Variants in CSMD3 observed in about 807,000 individuals in gnomAD.
CSMD3 encodes CUB and Sushi multiple domains 3.
A neutral mutation model predicts 435.2 loss-of-function variants in CSMD3; 177 were observed. That is an observed-to-expected ratio of 0.41 (90% CI 0.36 to 0.46). CSMD3 has a LOEUF of 0.46. CSMD3 is among the 20% of genes least tolerant of loss of function. CSMD3 has a pLI of 0.34. For missense variants in CSMD3, 4,265 were observed against 4,504.6 expected (o/e 0.95, Z 1.52); for synonymous variants, 1,656 against 1,520.5 (o/e 1.09, Z -2.07).
chr8:112,550,740 T>C lies in CSMD3; in HGVS notation c.4495A>G (p.Asn1499Asp), dbSNP rs1305590114. Residue 1499 changes from asparagine (N) to aspartate (D), a missense_variant, in exon 27 of 71, where the codon AAT becomes GAT. Around this residue, in one of 3 missense-constraint regions of CSMD3, gnomAD observed 3,255 missense variants for 3,380.2 expected, o/e 0.96. Coordinates refer to ENST00000297405, the MANE Select transcript of CSMD3 (RefSeq NM_198123.2). ...GTGTCAAACTGGATGGTTACTATAT[T>C]GAGGGTGCTATGAATTCCTTCAGGA... is the stretch of plus-strand genomic sequence containing the variant. ...LIPEGIHSTLNIVTIQFDTDF... is the reference protein window; with the variant it reads ...LIPEGIHSTLDIVTIQFDTDF... 3 of 1,606,126 alleles carry C rather than the reference T, an allele frequency of 1.9e-6. No individual in the cohort carries two copies. The highest frequency in any genetic ancestry group is 2.2e-5 in the South Asian group (2 of 90,968).
intron 22 of CSMD3, among the ~76,000 whole-genome samples, chr8:112,597,279 A>C (rs1168961913): frequency 6.6e-6 from 1 of 152,148 alleles, no homozygotes; most frequent in Admixed American, 6.5e-5. Context: ...GAAATGGATA[A>C]ATTCCTCAAC....
At chr8:112,539,152 G>A (rs1826421271) in intron 27 of CSMD3, 1 of 153,468 alleles carries the variant, frequency 6.5e-6, no homozygotes, top group South Asian at 2.0e-4. Flanking sequence ...CTGAATTAGA[G>A]TACTAAGTAT....
intron 5 of CSMD3, among the ~76,000 whole-genome samples, chr8:113,083,075 C>G (rs2089629807): frequency 6.6e-6 from 1 of 152,030 alleles, no homozygotes; most frequent in Non-Finnish European, 1.5e-5. Context: ...AACTAGACAT[C>G]CAGATCTAGG....
chr8:113,296,718 G>C (rs1349220069), intron 2 of CSMD3, among the ~76,000 whole-genome samples: 3 of 152,120 alleles, frequency 2.0e-5, no homozygotes, highest in Non-Finnish European at 4.4e-5. Context: ...ATACCAAAAA[G>C]TTGGCAGAGA....
At chr8:112,881,610 A>C (rs2081450144) in intron 10 of CSMD3, among the ~76,000 whole-genome samples, 1 of 151,984 alleles carries the variant, frequency 6.6e-6, no homozygotes, top group Non-Finnish European at 1.5e-5. Flanking sequence ...TCTGCACTCC[A>C]ATCTTTTTAT....
At chr8:113,243,963 A>T (rs1289686148) in intron 3 of CSMD3, among the ~76,000 whole-genome samples, 1 of 151,872 alleles carries the variant, frequency 6.6e-6, no homozygotes, top group African/African-American at 2.4e-5. Context: ...TTGTAATTTT[A>T]TTTTTCGGTT....
chr8:113,029,748 T>TC (rs1396009963), intron 5 of CSMD3, among the ~76,000 whole-genome samples: 1 of 151,406 alleles, frequency 6.6e-6, no homozygotes, highest in African/African-American at 2.4e-5. Flanking sequence ...CCACTCCTCT[T>TC]CAACATAGTA....
chr8:112,483,663 A>T (rs1170150163), intron 31 of CSMD3, among the ~76,000 whole-genome samples: 1 of 152,158 alleles, frequency 6.6e-6, no homozygotes, highest in East Asian at 1.9e-4. Flanking sequence ...GATCTACTCC[A>T]GAATCTTCTG....
At chr8:112,471,959 A>G (rs1818564131) in intron 32 of CSMD3, among the ~76,000 whole-genome samples, 1 of 152,106 alleles carries the variant, frequency 6.6e-6, no homozygotes, top group Admixed American at 6.6e-5. Flanking sequence ...CAGAACCAAA[A>G]CCTTTAAAAG....
intron 17 of CSMD3, 113 bp from the exon 18 acceptor site, chr8:112,656,454 A>C: frequency 1.4e-6 from 1 of 716,670 alleles, no homozygotes; most frequent in South Asian, 2.4e-5. Flanking sequence ...TTTATATTAT[A>C]ATTTTCTTTA....
chr8:113,012,306 T>A (rs929687997), intron 6 of CSMD3, among the ~76,000 whole-genome samples: 6 of 151,684 alleles, frequency 4.0e-5, no homozygotes, highest in Non-Finnish European at 4.4e-5. Context: ...ACTATGAAAA[T>A]ATATATATAT....
chr8:113,386,471 A>G (rs1224430919), intron 1 of CSMD3, among the ~76,000 whole-genome samples: 1 of 151,958 alleles, frequency 6.6e-6, no homozygotes, highest in Non-Finnish European at 1.5e-5. Context: ...GAAACATCTA[A>G]TAAATAAGAA....
intron 1 of CSMD3, among the ~76,000 whole-genome samples, chr8:113,363,151 A>G (rs1385392895): frequency 1.3e-5 from 2 of 152,216 alleles, no homozygotes; most frequent in Non-Finnish European, 2.9e-5. Flanking sequence ...AGCCTATACT[A>G]TATCACATTG....
chr8:112,390,349 C>T (rs1007629837), intron 36 of CSMD3, among the ~76,000 whole-genome samples: 3 of 152,070 alleles, frequency 2.0e-5, no homozygotes, highest in African/African-American at 7.2e-5. Context: ...CTGAGCATGG[C>T]AGAACAGAGA....
At chr8:112,235,361 G>T (rs1488814933) in intron 67 of CSMD3, among the ~76,000 whole-genome samples, 2 of 151,974 alleles carry the variant, frequency 1.3e-5, no homozygotes, top group Admixed American at 1.3e-4. Context: ...TCCAGACTGG[G>T]TGACAGAGCA....
chr8:112,471,110 T>C (rs1266012985), intron 32 of CSMD3, among the ~76,000 whole-genome samples: 1 of 152,142 alleles, frequency 6.6e-6, no homozygotes, highest in Non-Finnish European at 1.5e-5. Flanking sequence ...CAGTAATACA[T>C]CTCCAGGATG....
intron 6 of CSMD3, among the ~76,000 whole-genome samples, chr8:113,003,284 T>C (rs931782853): frequency 1.3e-5 from 2 of 151,886 alleles, no homozygotes; most frequent in Non-Finnish European, 2.9e-5. Flanking sequence ...AATAAATAAA[T>C]AGTGTTTCAG....
chr8:113,289,482 A>T (rs570721178), intron 2 of CSMD3, among the ~76,000 whole-genome samples: 2 of 151,532 alleles, frequency 1.3e-5, no homozygotes, highest in South Asian at 2.1e-4. Flanking sequence ...AGGTCAATTT[A>T]AAAAAATTAT....
intron 13 of CSMD3, among the ~76,000 whole-genome samples, chr8:112,728,737 C>T (rs1055638126): frequency 6.6e-6 from 1 of 151,970 alleles, no homozygotes; most frequent in Admixed American, 6.6e-5. Context: ...GTTCTCACCA[C>T]GTGCACATTA....
Sources: gnomAD v4.1 joint callset for allele counts (sites outside exome capture counted in the v4.1 genomes callset) on GRCh38, gnomAD v4.1.1 for gene constraint, gnomAD v4.1.1 regional missense constraint, MANE v1.5 for transcripts, NCBI Gene and HGNC (gene_info 2026-07-23, HGNC 2026-07-21) for gene names.